The following ERGIC1 variants were observed in gnomAD, a reference collection of about 807,000 sequenced individuals.
The protein encoded by ERGIC1 is endoplasmic reticulum-golgi intermediate compartment 1.
In ERGIC1, 19 loss-of-function variants were observed where a neutral mutation model predicts 38.3. That is an observed-to-expected ratio of 0.50 (90% CI 0.35 to 0.73). The LOEUF is 0.73. ERGIC1 is among the 30% of genes least tolerant of loss of function. ERGIC1 has a pLI of 0.01. For synonymous variants in ERGIC1, 124 were observed against 157.6 expected, an observed-to-expected ratio of 0.79 and a Z score of 1.60; for missense variants, 294 against 389.2, an observed-to-expected ratio of 0.76 and a Z score of 2.06.
chr5:172,887,588 C>T (rs1762454987), intron 1 of ERGIC1, among the ~76,000 whole-genome samples: 1 of 152,158 alleles, frequency 6.6e-6, no homozygotes, highest in Non-Finnish European at 1.5e-5. Context: ...TAGTCTGATT[C>T]CAGGGTCTTA....
At chr5:172,888,030 C>T (rs1762464903) in intron 1 of ERGIC1, among the ~76,000 whole-genome samples, 1 of 152,218 alleles carries the variant, frequency 6.6e-6, no homozygotes, top group African/African-American at 2.4e-5. Flanking sequence ...ACCCCCGATT[C>T]AGGGGTTCCA....
At chr5:172,915,628 C>T (rs756005407) in intron 5 of ERGIC1, 5 of 471,120 alleles carry the variant, frequency 1.1e-5, no homozygotes, top group East Asian at 6.9e-5. Flanking sequence ...CGGCCTTCCT[C>T]GAAGCTCGGT....
rs565958262 is a variant in ERGIC1, at chr5:172,928,623, G to GT, written c.541+2054_541+2055insT. 6.3e-3 allele frequency among the ~76,000 whole-genome samples: 967 copies of GT among 152,312 alleles called. 34 individuals are homozygous for GT. The highest frequency in any genetic ancestry group is 0.059 in the Admixed American group (904 of 15,300). ...CAGCTATAACATGGCACTCTGCCTT[G>GT]CCCACTGCTTTGTCCCCAGGACCCA... On this transcript the variant is annotated intron_variant, in intron 7 of 9. Transcript: ENST00000393784.
chr5:172,920,431 C>T (rs1475092034), intron 5 of ERGIC1: 1 of 717,766 alleles, frequency 1.4e-6, no homozygotes, highest in African/African-American at 1.7e-5. Flanking sequence ...TCACCAGAGA[C>T]CCCACGGTGA....
At chr5:172,897,443 A>AAAAAAGAGAG (rs780361647) in intron 3 of ERGIC1, among the ~76,000 whole-genome samples, 3 of 142,414 alleles carry the variant, frequency 2.1e-5, no homozygotes, top group African/African-American at 8.1e-5. Flanking sequence ...AAAAAAAAAA[A>AAAAAAGAGAG]AGAGAGAGAG....
At chr5:172,945,475 G>A (rs994809097) in intron 9 of ERGIC1, among the ~76,000 whole-genome samples, 1 of 152,202 alleles carries the variant, frequency 6.6e-6, no homozygotes, top group Non-Finnish European at 1.5e-5. Context: ...ACCCAAAGGC[G>A]TGCTCTGGGG....
At chr5:172,845,493 C>A (rs2113524510) in intron 1 of ERGIC1, among the ~76,000 whole-genome samples, 1 of 152,316 alleles carries the variant, frequency 6.6e-6, no homozygotes, top group Middle Eastern at 3.4e-3. Flanking sequence ...GCCATAGAGT[C>A]ATCTGTTGGT....
chr5:172,879,859 A>G (rs907333898), intron 1 of ERGIC1, among the ~76,000 whole-genome samples: 8 of 152,128 alleles, frequency 5.3e-5, no homozygotes, highest in African/African-American at 1.9e-4. Context: ...CTTGTGTGCC[A>G]TGGAATGTTT....
intron 7 of ERGIC1, among the ~76,000 whole-genome samples, chr5:172,930,633 A>G (rs781077588): frequency 6.6e-6 from 1 of 152,136 alleles, no homozygotes; most frequent in Non-Finnish European, 1.5e-5. Flanking sequence ...GTGAGCCACC[A>G]CATCCGGCCT....
chr5:172,947,795 A>C lies in ERGIC1; in HGVS notation c.766-2914A>C, dbSNP rs1764154998. On this transcript the variant is annotated intron_variant, in intron 9 of 9. Transcript: ENST00000393784. Reference sequence around the variant, plus strand: ...TGGTCTGGGCCAGCCCCATGAAAGGAGAGTTGAGACTGGGTGCCAGGTGTC... The same window carrying C: ...TGGTCTGGGCCAGCCCCATGAAAGGCGAGTTGAGACTGGGTGCCAGGTGTC... 4.6e-5 allele frequency among the ~76,000 whole-genome samples: 7 copies of C among 151,906 alleles called. 1 individual carries two copies. Among genetic ancestry groups the C allele is most frequent in the Admixed American group, 4.6e-4 (7 of 15,260 alleles).
rs187869798 is a variant in ERGIC1 at position 172,883,752 on chromosome 5, C to A, written c.21-4947C>A. 3.5e-3 allele frequency among the ~76,000 whole-genome samples: 527 copies of A among 152,280 alleles called. 3 individuals are homozygous for A. Among genetic ancestry groups the A allele is most frequent in the African/African-American group, 0.012 (503 of 41,548 alleles). ...ATCCCAATACTTTGGGAGGCCGAGG[C>A]GGGCAGATCGCTTGAGCCCTGTAGT... On this transcript the variant is annotated intron_variant, in intron 1 of 9. Coordinates refer to ENST00000393784, the MANE Select transcript of ERGIC1 (RefSeq NM_001031711.3).
At chr5:172,849,968 G>A (rs1761363950) in intron 1 of ERGIC1, among the ~76,000 whole-genome samples, 1 of 152,156 alleles carries the variant, frequency 6.6e-6, no homozygotes, top group Non-Finnish European at 1.5e-5. Context: ...CCATCAAGTT[G>A]GGGCTTTTAT....
At chr5:172,835,527 TG>T (rs889567718) in intron 1 of ERGIC1, among the ~76,000 whole-genome samples, 1 of 152,084 alleles carries the variant, frequency 6.6e-6, no homozygotes, top group African/African-American at 2.4e-5. Context: ...CATTAGTGGA[TG>T]GGGGGTGTTC....
intron 2 of ERGIC1, among the ~76,000 whole-genome samples, chr5:172,896,552 G>A (rs1411758905): frequency 3.3e-5 from 5 of 152,276 alleles, no homozygotes; most frequent in African/African-American, 7.2e-5. Flanking sequence ...CATGGGCTCC[G>A]ACCCTCCGTG....
intron 2 of ERGIC1, among the ~76,000 whole-genome samples, chr5:172,893,935 G>GTGTGTGTGTGTGTGTATATATA (rs1429850022): frequency 4.0e-4 from 17 of 42,818 alleles, no homozygotes; most frequent in East Asian, 2.0e-3. Context: ...GTGTGTGTGT[G>GTGTGTGTGTGTGTGTATATATA]TATATATATA....
chr5:172,875,654 G>A lies in ERGIC1; in HGVS notation c.21-13045G>A, dbSNP rs529836316. On this transcript the variant is annotated intron_variant, in intron 1 of 9. Coordinates refer to ENST00000393784, the MANE Select transcript of ERGIC1 (RefSeq NM_001031711.3). ...CTGTTGCCCAGGCTGGAGTGCAGTG[G>A]TGCAGTCACGGCTCACTAAAGCTCA... Among the ~76,000 whole-genome samples the A allele has an allele frequency of 3.3e-5, 5 of 152,244 alleles. No homozygotes were observed. In the South Asian group the frequency reaches 8.3e-4, roughly 25 times the overall value.
intron 1 of ERGIC1, among the ~76,000 whole-genome samples, chr5:172,843,123 G>A (rs1020231796): frequency 1.3e-5 from 2 of 152,200 alleles, no homozygotes; most frequent in South Asian, 4.1e-4. Flanking sequence ...TCCAGCCTGG[G>A]TGACAGAGTG....
intron 5 of ERGIC1, among the ~76,000 whole-genome samples, chr5:172,923,761 C>G (rs1444491333): frequency 2.0e-5 from 3 of 152,338 alleles, no homozygotes; most frequent in Admixed American, 2.0e-4. Context: ...CACATGCACC[C>G]TCTCACCAGA....
rs551245618 is a variant in ERGIC1 at position 172,899,054 on chromosome 5, A to G, written c.155+1980A>G. Among the ~76,000 whole-genome samples the G allele has an allele frequency of 3.3e-5, 5 of 152,234 alleles. No homozygotes were observed. In the East Asian group the frequency reaches 9.7e-4, roughly 29 times the overall value. On this transcript the variant is annotated intron_variant, in intron 3 of 9. Transcript: ENST00000393784. ...ACCTGCTTGGCTTGGCAGGCCTGTCATGTTCTGAGCAAGGTGACAGAGGCA... is the reference window on the plus strand; with the variant it reads ...ACCTGCTTGGCTTGGCAGGCCTGTCGTGTTCTGAGCAAGGTGACAGAGGCA...
Sources: gnomAD v4.1 joint callset for allele counts (sites outside exome capture counted in the v4.1 genomes callset) on GRCh38, gnomAD v4.1.1 for gene constraint, MANE v1.5 for transcripts, NCBI Gene and HGNC (gene_info 2026-07-23, HGNC 2026-07-21) for gene names.